The following TRAF2 variants were observed in gnomAD, a reference collection of about 807,000 sequenced individuals.
The protein encoded by TRAF2 is TNF receptor-associated factor 2.
Under a neutral mutation model 55.6 loss-of-function variants are expected in TRAF2, and 6 were observed. That is an observed-to-expected ratio of 0.11 (90% CI 0.06 to 0.21). The LOEUF is 0.21. Ranked by LOEUF, TRAF2 falls within the 10% of genes least tolerant of loss-of-function variation. The probability of loss-of-function intolerance (pLI) is 1.00; values close to 1 mark genes in which losing one functional copy is unlikely to be tolerated. For synonymous variants in TRAF2, 329 were observed against 276.3 expected (o/e 1.19, Z -1.89); for missense variants, 561 against 684.5 (o/e 0.82, Z 2.01).
rs1473674844 is a variant in TRAF2 at position 136,900,293 on chromosome 9, C to T, written c.268-129C>T. 16 of 580,242 alleles carry T rather than the reference C, an allele frequency of 2.8e-5. 1 individual carries two copies. The highest frequency in any genetic ancestry group is 4.2e-5 in the Non-Finnish European group (14 of 335,466). The allele number at this position is 580,242 out of a possible 1,614,324, so 35.9% of individuals were successfully genotyped here. On this transcript the variant is annotated intron_variant, in intron 3 of 10. Transcript: ENST00000247668. ...TAAAAAGGAATCAGAGAGTCATCCTCTGCTCCTGGAGTGGCCTGGAAAGGC... is the reference window on the plus strand; with the variant it reads ...TAAAAAGGAATCAGAGAGTCATCCTTTGCTCCTGGAGTGGCCTGGAAAGGC...
chr9:136,924,950 G>A (rs1003997640), intron 10 of TRAF2, among the ~76,000 whole-genome samples: 6 of 152,186 alleles, frequency 3.9e-5, no homozygotes, highest in East Asian at 1.9e-4. Context: ...TGTTGGCCAG[G>A]CTGGTCTTGA....
At chr9:136,912,611 G>A (rs1036333123) in intron 6 of TRAF2, among the ~76,000 whole-genome samples, 1 of 152,068 alleles carries the variant, frequency 6.6e-6, no homozygotes, top group Non-Finnish European at 1.5e-5. Context: ...AGGCTGAGGC[G>A]GGAGGATCAC....
At chr9:136,895,961 C>G (rs1019518688) in intron 1 of TRAF2, among the ~76,000 whole-genome samples, 2 of 152,124 alleles carry the variant, frequency 1.3e-5, no homozygotes, top group Admixed American at 6.5e-5. Flanking sequence ...GCCCTCCACC[C>G]TTAGGCCAGG....
At chr9:136,917,443 C>T (rs1161042964) in intron 7 of TRAF2, among the ~76,000 whole-genome samples, 1 of 152,202 alleles carries the variant, frequency 6.6e-6, no homozygotes, top group East Asian at 1.9e-4. Context: ...CCCTCTGTCG[C>T]CAGCACCTCG....
At chr9:136,882,684 A>G (rs1849388338), upstream of TRAF2, 1 of 985,440 alleles carries the variant, frequency 1.0e-6, no homozygotes, top group East Asian at 1.1e-4. Flanking sequence ...CCCACGTGGG[A>G]ATCCCCTGAG....
At chr9:136,887,049 A>G (rs937010241) in intron 1 of TRAF2, among the ~76,000 whole-genome samples, 10 of 152,082 alleles carry the variant, frequency 6.6e-5, no homozygotes, top group African/African-American at 9.7e-5. Flanking sequence ...GGGTCGGGGA[A>G]GACCAGTGAG....
At chr9:136,910,358 G>A (rs1427134352) in intron 6 of TRAF2, among the ~76,000 whole-genome samples, 5 of 152,226 alleles carry the variant, frequency 3.3e-5, no homozygotes, top group East Asian at 3.8e-4. Flanking sequence ...TGCAGCAAGC[G>A]GTTGGGGTGG....
Position 136,898,722 on chromosome 9 carries a change from C to G in TRAF2, c.-19C>G. The G allele has an allele frequency of 6.2e-7, 1 of 1,612,840 alleles. No individual in the cohort carries two copies. The highest frequency in any genetic ancestry group is 1.1e-5 in the South Asian group (1 of 91,040). On this transcript the variant is annotated 5_prime_UTR_variant, in exon 2 of 11. Coordinates refer to ENST00000247668, the MANE Select transcript of TRAF2 (RefSeq NM_021138.4). ...GTGTGTTCTTCCTTAGGGCTTTGTT[C>G]GCGGGGGTCACAGCTCTCATGGCTG...
chr9:136,899,168 T>C (rs1167917200), intron 2 of TRAF2, among the ~76,000 whole-genome samples: 2 of 152,230 alleles, frequency 1.3e-5, no homozygotes, highest in African/African-American at 2.4e-5. Context: ...TTACAGTTAA[T>C]TTTATCTTTT....
In TRAF2 at chr9:136,925,790, C is replaced by A. The variant is rs776544531; in HGVS notation, c.1395C>A (p.Ile465=). 1.9e-6 allele frequency: 3 copies of A among 1,614,114 alleles called. No individual in the cohort carries two copies. Among genetic ancestry groups the A allele is most frequent in the African/African-American group, 2.7e-5 (2 of 74,934 alleles). Residue 465 remains isoleucine (I), a synonymous_variant, in exon 11 of 11, where the codon ATC becomes ATA. Transcript: ENST00000247668. The part of the protein sequence containing the change: ...SFQRPVNDMN[I]ASGCPLFCPV... Reference sequence around the variant, plus strand: ...AGAGGCCAGTCAACGACATGAACATCGCAAGCGGCTGCCCCCTCTTCTGCC... The same window carrying A: ...AGAGGCCAGTCAACGACATGAACATAGCAAGCGGCTGCCCCCTCTTCTGCC...
intron 1 of TRAF2, among the ~76,000 whole-genome samples, chr9:136,888,717 G>A (rs1212255263): frequency 6.6e-6 from 1 of 152,230 alleles, no homozygotes; most frequent in East Asian, 1.9e-4. Flanking sequence ...AGTCACCGAT[G>A]CCACCAAACC....
At chr9:136,889,110 CT>C (rs1388218633) in intron 1 of TRAF2, among the ~76,000 whole-genome samples, 2 of 152,200 alleles carry the variant, frequency 1.3e-5, no homozygotes. Flanking sequence ...ATCCGCCCAC[CT>C]CGGCCTCCCA....
upstream of TRAF2, among the ~76,000 whole-genome samples, chr9:136,885,501 G>A (rs568245649): frequency 2.6e-5 from 4 of 152,306 alleles, no homozygotes; most frequent in African/African-American, 9.6e-5. Context: ...TGGCCGCCAA[G>A]GCCACTGTTT....
At position 136,925,778 on chromosome 9, in the gene TRAF2, C is replaced by T. The variant is rs139915243; in HGVS notation, c.1383C>T (p.Asn461=). The T allele has an allele frequency of 9.3e-6, 15 of 1,614,114 alleles. No homozygotes were observed. The highest frequency in any genetic ancestry group is 1.7e-5 in the Admixed American group (1 of 60,012). ...VTSSSFQRPV[N]DMNIASGCPL... ...CATCCTCTTTTCAGAGGCCAGTCAA[C>T]GACATGAACATCGCAAGCGGCTGCC... Residue 461 remains asparagine (N), a synonymous_variant, in exon 11 of 11, where the codon AAC becomes AAT. Coordinates refer to ENST00000247668, the MANE Select transcript of TRAF2 (RefSeq NM_021138.4).
intron 3 of TRAF2, 35 bp downstream of exon 3, chr9:136,899,707 C>T (rs2131292299): frequency 1.9e-6 from 3 of 1,590,298 alleles, no homozygotes; most frequent in African/African-American, 1.3e-5. Context: ...AAATGTTGAA[C>T]AGAAAATGTC....
intron 7 of TRAF2, among the ~76,000 whole-genome samples, chr9:136,918,952 C>G (rs935317872): frequency 6.6e-6 from 1 of 152,026 alleles, no homozygotes; most frequent in African/African-American, 2.4e-5. Flanking sequence ...CCAGGCTAGT[C>G]TCAAACTCCT....
intron 1 of TRAF2, among the ~76,000 whole-genome samples, chr9:136,896,567 T>G (rs963930406): frequency 3.9e-5 from 6 of 152,210 alleles, no homozygotes; most frequent in Non-Finnish European, 8.8e-5. Flanking sequence ...TCACTTCAGC[T>G]AGAAGCTTTG....
chr9:136,889,863 GTCA>G (rs1849538917), intron 1 of TRAF2: 2 of 152,084 alleles, frequency 1.3e-5, no homozygotes, highest in Admixed American at 1.3e-4. Context: ...ATTTGTGACA[GTCA>G]TCCCCGCATG....
At chr9:136,885,322 G>A (rs950941693), upstream of TRAF2, among the ~76,000 whole-genome samples, 1 of 152,120 alleles carries the variant, frequency 6.6e-6, no homozygotes, top group Non-Finnish European at 1.5e-5. Flanking sequence ...TCTGCAAAGC[G>A]GGGTGAAAGG....
Sources: gnomAD v4.1 joint callset for allele counts (sites outside exome capture counted in the v4.1 genomes callset) on GRCh38, gnomAD v4.1.1 for gene constraint, MANE v1.5 for transcripts, NCBI Gene and HGNC (gene_info 2026-07-23, HGNC 2026-07-21) for gene names.